Variants in CRACD observed in about 807,000 individuals in gnomAD.
CRACD encodes the protein capping protein-inhibiting regulator of actin dynamics.
Under a neutral mutation model 106.8 loss-of-function variants are expected in CRACD, and 56 were observed. That is an observed-to-expected ratio of 0.52 (90% CI 0.42 to 0.66). CRACD has a LOEUF of 0.66. Ranked by LOEUF, CRACD falls within the 30% of genes least tolerant of loss-of-function variation. The pLI is 0.00. For synonymous variants in CRACD, 754 were observed against 670.8 expected (o/e 1.12, Z -1.92); for missense variants, 1,730 against 1,623.2 (o/e 1.07, Z -1.13).
intron 1 of CRACD, among the ~76,000 whole-genome samples, chr4:56,163,338 C>T (rs935691253): frequency 6.6e-6 from 1 of 151,904 alleles, no homozygotes; most frequent in East Asian, 1.9e-4. Context: ...TATTTTTCCT[C>T]ATACAGCACA....
intron 1 of CRACD, among the ~76,000 whole-genome samples, chr4:56,071,988 C>T (rs368600308): frequency 4.0e-5 from 6 of 151,614 alleles, no homozygotes; most frequent in African/African-American, 1.2e-4. Flanking sequence ...ATTAGCCGGG[C>T]GTGGTGGCGG....
intron 1 of CRACD, among the ~76,000 whole-genome samples, chr4:56,100,174 C>T (rs1222591120): frequency 2.0e-5 from 3 of 151,722 alleles, no homozygotes; most frequent in African/African-American, 4.8e-5. Context: ...ACTCGGGAAG[C>T]GGAGGTTGCA....
chr4:56,283,847 G>A (rs997121233), intron 3 of CRACD, among the ~76,000 whole-genome samples: 6 of 152,208 alleles, frequency 3.9e-5, no homozygotes, highest in Non-Finnish European at 8.8e-5. Flanking sequence ...GACACATGTA[G>A]ACACCAGGAA....
At chr4:56,141,440 T>C (rs1382329268) in intron 1 of CRACD, among the ~76,000 whole-genome samples, 1 of 152,004 alleles carries the variant, frequency 6.6e-6, no homozygotes, top group Non-Finnish European at 1.5e-5. Context: ...CCTTAAAGAT[T>C]ATCTTTCTTG....
chr4:56,191,193 C>T (rs1466641404), intron 2 of CRACD, among the ~76,000 whole-genome samples: 1 of 152,166 alleles, frequency 6.6e-6, no homozygotes, highest in East Asian at 1.9e-4. Flanking sequence ...TAAAACAACA[C>T]AAATTGTAGT....
intron 1 of CRACD, among the ~76,000 whole-genome samples, chr4:56,112,823 A>G (rs1347697846): frequency 6.6e-6 from 1 of 151,734 alleles, no homozygotes; most frequent in Non-Finnish European, 1.5e-5. Flanking sequence ...GGAATTCAAC[A>G]TTTTCCTTTA....
chr4:56,322,492 C>G (rs190175731), intron 8 of CRACD, among the ~76,000 whole-genome samples: 80 of 152,324 alleles, frequency 5.3e-4, no homozygotes, highest in African/African-American at 1.5e-3. Context: ...GGCCTATGTT[C>G]TAGCTTCAGA....
Position 56,323,345 on chromosome 4 carries a change from T to C in CRACD, c.3188-32T>C, listed in dbSNP as rs535282908. On this transcript the variant is annotated intron_variant, in intron 8 of 10. Coordinates refer to ENST00000682029, the MANE Select transcript of CRACD (RefSeq NM_001393381.1). ...TGAGGTAAGTCCGCAGTTAAGTTCA[T>C]TGCAAACCGTTCTTTGTCTTATTCC... The C allele has an allele frequency of 2.5e-6, 4 of 1,576,512 alleles. No homozygotes were observed. In the South Asian group the frequency reaches 4.7e-5, roughly 19 times the overall value.
At chr4:56,172,813 G>A (rs939483361) in intron 1 of CRACD, among the ~76,000 whole-genome samples, 3 of 152,092 alleles carry the variant, frequency 2.0e-5, no homozygotes, top group African/African-American at 4.8e-5. Context: ...TAGTAGAGAC[G>A]GGTTTTCACC....
intron 1 of CRACD, among the ~76,000 whole-genome samples, chr4:56,075,911 T>A (rs1732824778): frequency 6.6e-6 from 1 of 152,172 alleles, no homozygotes; most frequent in Admixed American, 6.5e-5. Flanking sequence ...TCATTGTGGC[T>A]GTGATCAGAC....
intron 2 of CRACD, among the ~76,000 whole-genome samples, chr4:56,187,725 G>A (rs1015204376): frequency 6.6e-6 from 1 of 150,382 alleles, no homozygotes; most frequent in Non-Finnish European, 1.5e-5. Flanking sequence ...CCAAGATTTC[G>A]TTCCCATGAT....
chr4:56,211,514 A>G (rs1738405226), intron 2 of CRACD, among the ~76,000 whole-genome samples: 2 of 152,226 alleles, frequency 1.3e-5, no homozygotes, highest in Non-Finnish European at 2.9e-5. Flanking sequence ...TCCCACATCC[A>G]AGAAGAATGA....
intron 1 of CRACD, chr4:56,170,208 T>C (rs1156393905): frequency 4.6e-5 from 7 of 152,416 alleles, no homozygotes; most frequent in Non-Finnish European, 1.5e-5. Flanking sequence ...TGCCTTCTGG[T>C]TTGACTGGAG....
chr4:56,258,443 A>C (rs1433432622), intron 2 of CRACD, among the ~76,000 whole-genome samples: 2 of 152,236 alleles, frequency 1.3e-5, no homozygotes, highest in Admixed American at 1.3e-4. Context: ...AGGCTTTGTC[A>C]TGAGCATGTT....
chr4:56,313,229 G>A lies in CRACD; in HGVS notation c.387G>A (p.Arg129=). The A allele has an allele frequency of 6.2e-7, 1 of 1,614,148 alleles. No individual in the cohort carries two copies. Among genetic ancestry groups the A allele is most frequent in the Non-Finnish European group, 8.5e-7 (1 of 1,180,036 alleles). The change falls in exon 7 of 11, where the codon AGG becomes AGA. Residue 129 remains arginine, a synonymous_variant. Transcript: ENST00000682029. ...VAPVKPSRPK[R]HFSSAGTIES... Reference sequence around the variant, plus strand: ...CCGTTAAACCGTCTCGGCCAAAAAGGCACTTCTCTTCTGCTGGCACCATCG... The same window carrying A: ...CCGTTAAACCGTCTCGGCCAAAAAGACACTTCTCTTCTGCTGGCACCATCG...
At chr4:56,216,986 CAAAAAAAAAAAAAAAAG>C (rs1328038489) in intron 2 of CRACD, among the ~76,000 whole-genome samples, 1 of 66,298 alleles carries the variant, frequency 1.5e-5, no homozygotes, top group Non-Finnish European at 2.7e-5. Flanking sequence ...GACTCCGTCT[CAAAAAAAAAAAAAAAAG>C]AAAAAAAAAA....
intron 2 of CRACD, among the ~76,000 whole-genome samples, chr4:56,188,622 CCTCTCT>C (rs140815351): frequency 2.0e-4 from 24 of 121,610 alleles, no homozygotes; most frequent in South Asian, 5.9e-4. Context: ...ATCTGTCTAG[CCTCTCT>C]CTCTCTCTCT....
chr4:56,312,219 C>T (rs961290721), intron 6 of CRACD, among the ~76,000 whole-genome samples: 1 of 152,120 alleles, frequency 6.6e-6, no homozygotes, highest in Non-Finnish European at 1.5e-5. Context: ...AGAGTGCAGC[C>T]TAGCGATCTC....
intron 1 of CRACD, among the ~76,000 whole-genome samples, chr4:56,128,530 ATTATT>A (rs1427990970): frequency 6.6e-6 from 1 of 152,128 alleles, no homozygotes; most frequent in Non-Finnish European, 1.5e-5. Context: ...ATCCTTTTCT[ATTATT>A]TTGATTGTTC....
Sources: gnomAD v4.1 joint callset for allele counts (sites outside exome capture counted in the v4.1 genomes callset) on GRCh38, gnomAD v4.1.1 for gene constraint, MANE v1.5 for transcripts, NCBI Gene and HGNC (gene_info 2026-07-23, HGNC 2026-07-21) for gene names.